ADGRG6: variants seen among roughly 807,000 people sequenced by gnomAD.
ADGRG6 encodes the protein adhesion G protein-coupled receptor G6, also known as G-protein coupled receptor 126.
In ADGRG6, 84 loss-of-function variants were observed where a neutral mutation model predicts 142.4. The ratio of observed to expected loss-of-function variants is 0.59; its 90% CI spans 0.49 to 0.71. The LOEUF (loss-of-function observed/expected upper bound fraction) is 0.71. ADGRG6 is among the 30% of genes least tolerant of loss of function. ADGRG6 has a pLI of 0.00. For missense variants in ADGRG6, 1,367 were observed against 1,466.6 expected (o/e 0.93, Z 1.11); for synonymous variants, 521 against 520.5 (o/e 1.00, Z -0.01).
intron 2 of ADGRG6, among the ~76,000 whole-genome samples, chr6:142,339,724 A>G (rs1779521142): frequency 6.6e-6 from 1 of 152,158 alleles, no homozygotes. Flanking sequence ...ATGCTTTACT[A>G]GAAGCACAGA....
chr6:142,318,244 A>ATATATTATATATATTTATTATATATATT (rs1778307112), intron 2 of ADGRG6, among the ~76,000 whole-genome samples: 2 of 50,644 alleles, frequency 3.9e-5, no homozygotes, highest in Non-Finnish European at 6.5e-5. Flanking sequence ...ATATATATTT[A>ATATATTATATATATTTATTATATATATT]TATATTATAT....
At chr6:142,369,627 A>G (rs1207240413) in intron 3 of ADGRG6, among the ~76,000 whole-genome samples, 1 of 152,148 alleles carries the variant, frequency 6.6e-6, no homozygotes. Flanking sequence ...TTATTTTTGC[A>G]TTTGTTCCTA....
intron 2 of ADGRG6, among the ~76,000 whole-genome samples, 179 bp from the exon 3 acceptor site, chr6:142,367,390 C>T (rs545879785): frequency 2.6e-5 from 4 of 152,150 alleles, no homozygotes; most frequent in African/African-American, 9.6e-5. Context: ...CTTTTTGTTG[C>T]TCTATTGATA....
intron 24 of ADGRG6, among the ~76,000 whole-genome samples, chr6:142,441,549 T>G (rs1458635409): frequency 6.6e-6 from 1 of 152,172 alleles, no homozygotes; most frequent in African/African-American, 2.4e-5. Flanking sequence ...AGAATTTTGC[T>G]TTGTTAAACT....
intron 2 of ADGRG6, among the ~76,000 whole-genome samples, chr6:142,316,183 TA>T (rs948605082): frequency 6.6e-6 from 1 of 152,102 alleles, no homozygotes; most frequent in Admixed American, 6.6e-5. Context: ...ATATGCTTTA[TA>T]AAAAAATTAC....
At chr6:142,443,220 C>A (rs573112646) in intron 24 of ADGRG6, 117 bp from the exon 25 acceptor site, 300 of 612,800 alleles carry the variant, frequency 4.9e-4, no homozygotes, top group Non-Finnish European at 7.5e-4. Context: ...AAGAAAGAAT[C>A]GGAGCTTTAT....
Position 142,415,004 on chromosome 6 carries a change from A to G in ADGRG6, c.2577A>G (p.Arg859=). The change falls in exon 19 of 25, where the codon AGA becomes AGG. Residue 859 remains arginine (R), a synonymous_variant. Coordinates refer to ENST00000367609, the MANE Select transcript of ADGRG6 (RefSeq NM_198569.3). ...GAAGTGCCTCACAGTTAGATGCAAG[A>G]AACACTAAAGTCCTCACTTTCATCA... ...LPRSASQLDA[R]NTKVLTFISY... The G allele has an allele frequency of 6.2e-7, 1 of 1,611,830 alleles. No individual in the cohort carries two copies. Among genetic ancestry groups the G allele is most frequent in the Non-Finnish European group, 8.5e-7 (1 of 1,178,732 alleles).
chr6:142,312,910 G>T (rs78496313), intron 2 of ADGRG6, among the ~76,000 whole-genome samples: 8,740 of 152,100 alleles, frequency 0.057, 370 homozygotes, highest in Non-Finnish European at 0.083. Flanking sequence ...AGCTATTCAT[G>T]ATAATAATGT....
chr6:142,368,245 T>C (rs560744697), intron 3 of ADGRG6, among the ~76,000 whole-genome samples: 167 of 152,360 alleles, frequency 1.1e-3, no homozygotes, highest in Middle Eastern at 3.4e-3. Flanking sequence ...AAAACATCCC[T>C]ATTTAGACAT....
chr6:142,343,859 A>G (rs528093264), intron 2 of ADGRG6, among the ~76,000 whole-genome samples: 1 of 152,008 alleles, frequency 6.6e-6, no homozygotes, highest in Non-Finnish European at 1.5e-5. Context: ...GGCATTCCTC[A>G]ATTTGTATTC....
At chr6:142,307,656 C>T (rs150826373) in intron 1 of ADGRG6, among the ~76,000 whole-genome samples, 18 of 152,066 alleles carry the variant, frequency 1.2e-4, no homozygotes, top group African/African-American at 4.3e-4. Flanking sequence ...TATAGAGGCA[C>T]CAGGAGGTAA....
At chr6:142,318,278 T>G (rs1324178041) in intron 2 of ADGRG6, among the ~76,000 whole-genome samples, 3 of 60,580 alleles carry the variant, frequency 5.0e-5, no homozygotes, top group Admixed American at 5.5e-4. Context: ...ATATTTATAT[T>G]ATATATATTT....
chr6:142,421,315 T>A (rs1165400092), intron 22 of ADGRG6, among the ~76,000 whole-genome samples: 1 of 152,166 alleles, frequency 6.6e-6, no homozygotes, highest in Non-Finnish European at 1.5e-5. Context: ...TATTAACTAG[T>A]TCAGCAAATT....
chr6:142,361,020 A>G (rs1010836828), intron 2 of ADGRG6, among the ~76,000 whole-genome samples: 3 of 152,196 alleles, frequency 2.0e-5, no homozygotes, highest in African/African-American at 7.2e-5. Context: ...CTGCCTTTGA[A>G]TTTCTATAAT....
At chr6:142,303,532 G>A (rs1362865561) in intron 1 of ADGRG6, among the ~76,000 whole-genome samples, 2 of 152,180 alleles carry the variant, frequency 1.3e-5, no homozygotes, top group Non-Finnish European at 2.9e-5. Context: ...CCACACCTGG[G>A]AGTTTTAAAG....
At chr6:142,395,042 A>G (rs1459766442) in intron 9 of ADGRG6, among the ~76,000 whole-genome samples, 2 of 152,180 alleles carry the variant, frequency 1.3e-5, no homozygotes, top group African/African-American at 2.4e-5. Flanking sequence ...CTATGAAAAG[A>G]TAAAATTTCA....
chr6:142,322,957 G>A (rs1582979905), intron 2 of ADGRG6, among the ~76,000 whole-genome samples: 1 of 152,052 alleles, frequency 6.6e-6, no homozygotes, highest in South Asian at 2.1e-4. Context: ...ACCTAGAGGA[G>A]CTCAGCACCT....
chr6:142,369,214 A>G (rs1478967164), intron 3 of ADGRG6, among the ~76,000 whole-genome samples: 1 of 152,194 alleles, frequency 6.6e-6, no homozygotes, highest in East Asian at 1.9e-4. Context: ...TGGCTATTAT[A>G]TTAGCATAGG....
chr6:142,314,710 T>C (rs577837644), intron 2 of ADGRG6, among the ~76,000 whole-genome samples: 3 of 152,346 alleles, frequency 2.0e-5, no homozygotes, highest in Admixed American at 1.3e-4. Flanking sequence ...AGGAATAAGA[T>C]ACTGGCCTTT....
Sources: allele counts gnomAD v4.1 joint callset (sites outside exome capture counted in the v4.1 genomes callset), GRCh38; gene constraint gnomAD v4.1.1; transcripts MANE v1.5; gene names NCBI Gene and HGNC (gene_info 2026-07-23, HGNC 2026-07-21).